NFIA: variants seen among roughly 807,000 people sequenced by gnomAD.
NFIA encodes nuclear factor I A.
NFIA carries 8 observed loss-of-function variants against 62.8 expected under a neutral mutation model. The observed-to-expected ratio is 0.13, with a 90% CI of 0.07 to 0.23. NFIA has a LOEUF of 0.23. Ranked by LOEUF, NFIA falls within the 10% of genes least tolerant of loss-of-function variation. NFIA has a pLI of 1.00. For synonymous variants in NFIA, 235 were observed against 238.1 expected, an observed-to-expected ratio of 0.99 and a Z score of 0.12; for missense variants, 410 against 642.1, an observed-to-expected ratio of 0.64 and a Z score of 3.91.
intron 2 of NFIA, among the ~76,000 whole-genome samples, chr1:61,273,321 C>T (rs1179108208): frequency 6.6e-6 from 1 of 152,164 alleles, no homozygotes; most frequent in Non-Finnish European, 1.5e-5. Flanking sequence ...GGCTTCAGCT[C>T]AGCCTCTGTG....
At chr1:61,453,684 G>A (rs973677435) in intron 10 of NFIA, among the ~76,000 whole-genome samples, 11 of 152,042 alleles carry the variant, frequency 7.2e-5, no homozygotes, top group East Asian at 1.9e-4. Context: ...ATTATTCCCC[G>A]CACCCAAAGT....
At chr1:61,136,315 C>T (rs1262237801) in intron 2 of NFIA, among the ~76,000 whole-genome samples, 1 of 152,172 alleles carries the variant, frequency 6.6e-6, no homozygotes, top group East Asian at 1.9e-4. Flanking sequence ...GAAACTAAGG[C>T]TGAGTTAAGA....
At chr1:61,329,049 C>CTTTTTT (rs369972455) in intron 3 of NFIA, among the ~76,000 whole-genome samples, 1 of 122,444 alleles carries the variant, frequency 8.2e-6, no homozygotes, top group Non-Finnish European at 1.7e-5. Flanking sequence ...TTCTTTTTTT[C>CTTTTTT]TTTTTTTTTT....
At chr1:61,084,798 AT>A (rs2100408245) in intron 1 of NFIA, among the ~76,000 whole-genome samples, 1 of 152,162 alleles carries the variant, frequency 6.6e-6, no homozygotes, top group Non-Finnish European at 1.5e-5. Flanking sequence ...ACAGTCAGGT[AT>A]TTAACAAAGT....
At chr1:61,158,331 A>G (rs963972401) in intron 2 of NFIA, among the ~76,000 whole-genome samples, 2 of 152,168 alleles carry the variant, frequency 1.3e-5, no homozygotes, top group African/African-American at 2.4e-5. Flanking sequence ...CTACTCAGGT[A>G]TTATAAATGG....
At chr1:61,440,481 G>A (rs1667523839) in intron 10 of NFIA, among the ~76,000 whole-genome samples, 2 of 152,240 alleles carry the variant, frequency 1.3e-5, no homozygotes, top group South Asian at 4.2e-4. Flanking sequence ...AAGAAGTTGT[G>A]GCTATTTTAT....
intron 3 of NFIA, among the ~76,000 whole-genome samples, chr1:61,327,060 A>G (rs1195057828): frequency 1.3e-5 from 2 of 148,466 alleles, no homozygotes; most frequent in East Asian, 3.9e-4. Context: ...ATATGTATAT[A>G]TCTACTATTA....
chr1:61,266,442 C>T (rs1446681219), intron 2 of NFIA, among the ~76,000 whole-genome samples: 2 of 151,960 alleles, frequency 1.3e-5, no homozygotes, highest in African/African-American at 2.4e-5. Context: ...TGCAGTGGCA[C>T]GATCTCAGCT....
intron 7 of NFIA, among the ~76,000 whole-genome samples, chr1:61,386,788 G>C (rs1664709741): frequency 6.6e-6 from 1 of 152,210 alleles, no homozygotes; most frequent in African/African-American, 2.4e-5. Flanking sequence ...GTCCTTGTCT[G>C]TTTTGACTGC....
At chr1:61,110,131 A>T (rs939690705) in intron 2 of NFIA, among the ~76,000 whole-genome samples, 1 of 151,996 alleles carries the variant, frequency 6.6e-6, no homozygotes, top group Non-Finnish European at 1.5e-5. Context: ...TGTTAATTAA[A>T]TTCAATTGCC....
At chr1:61,420,004 G>A (rs368878755) in intron 9 of NFIA, among the ~76,000 whole-genome samples, 2 of 152,144 alleles carry the variant, frequency 1.3e-5, no homozygotes, top group Admixed American at 6.5e-5. Flanking sequence ...GAAATTCGGC[G>A]TAGTTATCCT....
At chr1:61,389,744 G>GT (rs10669787) in intron 7 of NFIA, among the ~76,000 whole-genome samples, 94,512 of 148,528 alleles carry the variant, frequency 0.64, 31,010 homozygotes, top group East Asian at 0.89. Flanking sequence ...ATCACACTGA[G>GT]TTTTTTTTTT....
At position 61,292,760 on chromosome 1, in the gene NFIA, G is replaced by T. The variant is rs188548547; in HGVS notation, c.625+15175G>T. Reference sequence around the variant, plus strand: ...CCTAGATGTTACTTAGAGCTTTCTTGCTCCTTAAAATTAGCTCAAACCCCC... The same window carrying T: ...CCTAGATGTTACTTAGAGCTTTCTTTCTCCTTAAAATTAGCTCAAACCCCC... On this transcript the variant is annotated intron_variant, in intron 3 of 10. Transcript: ENST00000403491. Among the ~76,000 whole-genome samples, 195 of 152,252 alleles carry T rather than the reference G, an allele frequency of 1.3e-3. 4 individuals carry two copies. The highest frequency in any genetic ancestry group is 2.7e-3 in the East Asian group (14 of 5,184).
At chr1:61,096,255 C>G (rs926320249) in intron 2 of NFIA, among the ~76,000 whole-genome samples, 11 of 152,046 alleles carry the variant, frequency 7.2e-5, no homozygotes, top group Non-Finnish European at 1.2e-4. Context: ...CCCTTGTTTT[C>G]TAGGCTGGAG....
At chr1:61,170,079 A>G (rs940831707) in intron 2 of NFIA, among the ~76,000 whole-genome samples, 4 of 152,090 alleles carry the variant, frequency 2.6e-5, no homozygotes, top group Non-Finnish European at 5.9e-5. Context: ...CAGGCAGTCA[A>G]TTTTATTGAG....
At chr1:61,110,028 T>C (rs954265763) in intron 2 of NFIA, among the ~76,000 whole-genome samples, 2 of 151,930 alleles carry the variant, frequency 1.3e-5, no homozygotes, top group African/African-American at 4.8e-5. Flanking sequence ...AAGGACAATT[T>C]TTAGTTGAGA....
chr1:61,264,268 G>C (rs1656990494), intron 2 of NFIA, among the ~76,000 whole-genome samples: 1 of 152,110 alleles, frequency 6.6e-6, no homozygotes, highest in East Asian at 1.9e-4. Context: ...TATTGAAATA[G>C]CACGTATGTT....
At chr1:61,210,733 A>AT (rs1653197141) in intron 2 of NFIA, among the ~76,000 whole-genome samples, 1 of 152,176 alleles carries the variant, frequency 6.6e-6, no homozygotes, top group Non-Finnish European at 1.5e-5. Flanking sequence ...GGATGATTTC[A>AT]TTGTAATCCT....
intron 3 of NFIA, among the ~76,000 whole-genome samples, chr1:61,298,939 G>A (rs941380417): frequency 9.9e-5 from 15 of 152,238 alleles, no homozygotes; most frequent in East Asian, 5.8e-4. Context: ...ATTTCCTTCC[G>A]AGTAATAGTC....
Sources: allele counts gnomAD v4.1 joint callset (sites outside exome capture counted in the v4.1 genomes callset), GRCh38; gene constraint gnomAD v4.1.1; transcripts MANE v1.5; gene names NCBI Gene and HGNC (gene_info 2026-07-23, HGNC 2026-07-21).